MSI2: variants seen among roughly 807,000 people sequenced by gnomAD.
MSI2 encodes the protein musashi RNA binding protein 2, also known as RNA-binding protein Musashi homolog 2.
Under a neutral mutation model 45.6 loss-of-function variants are expected in MSI2, and 17 were observed. The observed-to-expected ratio is 0.37, with a 90% CI of 0.26 to 0.56. MSI2 has a LOEUF of 0.56. MSI2 is among the 20% of genes least tolerant of loss of function. MSI2 has a pLI of 0.77. For synonymous variants in MSI2, 156 were observed against 158.2 expected (o/e 0.99, Z 0.11); for missense variants, 293 against 444.2 (o/e 0.66, Z 3.06).
intron 6 of MSI2, among the ~76,000 whole-genome samples, chr17:57,467,712 T>TCTAGGTCC (rs2085353725): frequency 6.6e-6 from 1 of 152,078 alleles, no homozygotes; most frequent in Admixed American, 6.5e-5. Flanking sequence ...ATCCAGGACC[T>TCTAGGTCC]CTAGGACACT....
intron 5 of MSI2, among the ~76,000 whole-genome samples, chr17:57,397,671 G>C (rs2083915243): frequency 6.6e-6 from 1 of 152,166 alleles, no homozygotes; most frequent in African/African-American, 2.4e-5. Context: ...AGTCCATTTG[G>C]CAGTCATGCT....
intron 7 of MSI2, among the ~76,000 whole-genome samples, chr17:57,559,580 C>T (rs1257334944): frequency 1.3e-5 from 2 of 152,234 alleles, no homozygotes; most frequent in Admixed American, 1.3e-4. Flanking sequence ...GAACATGCAA[C>T]ACCCCTGAGA....
chr17:57,558,810 C>T (rs113380242), intron 7 of MSI2, among the ~76,000 whole-genome samples: 16,636 of 152,202 alleles, frequency 0.11, 1,025 homozygotes, highest in Middle Eastern at 0.17. Flanking sequence ...CCTGTAATTC[C>T]AGCACTTTGG....
chr17:57,435,107 T>A (rs2084667984), intron 6 of MSI2, among the ~76,000 whole-genome samples: 1 of 152,106 alleles, frequency 6.6e-6, no homozygotes. Flanking sequence ...ATTATTTTAT[T>A]ATTTTTGTTT....
rs1266747357 is a variant in MSI2, at chr17:57,613,620, C to T, written c.538-2350C>T. Among the ~76,000 whole-genome samples the T allele has an allele frequency of 3.9e-5, 6 of 152,184 alleles. No individual in the cohort carries two copies. The East Asian group carries it at 1.2e-3, about 29-fold the overall frequency. On this transcript the variant is annotated intron_variant, in intron 8 of 13. Transcript: ENST00000284073. ...GAAAAATACGTGCCAATTTCCACCC[C>T]TCCACACTATACCGTCAGAAACCCT...
intron 5 of MSI2, among the ~76,000 whole-genome samples, chr17:57,282,418 G>A (rs1909502762): frequency 6.6e-6 from 1 of 152,162 alleles, no homozygotes; most frequent in Non-Finnish European, 1.5e-5. Flanking sequence ...GCCCCCTGCT[G>A]TATAATAAAT....
intron 5 of MSI2, among the ~76,000 whole-genome samples, chr17:57,272,301 G>T (rs747313143): frequency 6.6e-6 from 1 of 152,192 alleles, no homozygotes; most frequent in Admixed American, 6.5e-5. Flanking sequence ...TCAACTTAGC[G>T]GCATTTTGTT....
the MSI2 span, among the ~76,000 whole-genome samples, chr17:57,698,393 C>T: frequency 6.6e-6 from 1 of 152,224 alleles, no homozygotes; most frequent in African/African-American, 2.4e-5. Context: ...CACCTTTCCT[C>T]GGTGGCTCCC....
At chr17:57,654,899 T>C (rs1228833095) in intron 11 of MSI2, among the ~76,000 whole-genome samples, 1 of 148,492 alleles carries the variant, frequency 6.7e-6, no homozygotes, top group East Asian at 2.0e-4. Flanking sequence ...GATTTTTGTC[T>C]AGCTCCAACG....
chr17:57,461,794 A>G (rs1395779870), intron 6 of MSI2, among the ~76,000 whole-genome samples: 5 of 152,110 alleles, frequency 3.3e-5, no homozygotes, highest in Admixed American at 6.5e-5. Flanking sequence ...CGGCCTCCCA[A>G]AGTACTGGGA....
intron 11 of MSI2, among the ~76,000 whole-genome samples, chr17:57,666,748 G>C (rs1304355754): frequency 6.6e-6 from 1 of 152,226 alleles, no homozygotes; most frequent in African/African-American, 2.4e-5. Context: ...TAGCAGGCAG[G>C]GAGGTAGCTT....
chr17:57,344,479 T>C (rs1598149001), intron 5 of MSI2, among the ~76,000 whole-genome samples: 1 of 152,360 alleles, frequency 6.6e-6, no homozygotes, highest in East Asian at 1.9e-4. Flanking sequence ...GTGTCTCCCC[T>C]GCTCCAGACC....
chr17:57,383,102 C>T (rs941690575), intron 5 of MSI2, among the ~76,000 whole-genome samples: 4 of 152,302 alleles, frequency 2.6e-5, no homozygotes, highest in Admixed American at 6.5e-5. Flanking sequence ...CTTCATTTCC[C>T]AGCAAGGACA....
At chr17:57,622,773 C>T (rs954198689) in intron 9 of MSI2, among the ~76,000 whole-genome samples, 2 of 152,162 alleles carry the variant, frequency 1.3e-5, no homozygotes, top group African/African-American at 4.8e-5. Context: ...CACTCAATTT[C>T]GACGGGGATC....
intron 10 of MSI2, among the ~76,000 whole-genome samples, chr17:57,651,223 T>A (rs1911121340): frequency 6.6e-6 from 1 of 152,138 alleles, no homozygotes; most frequent in Non-Finnish European, 1.5e-5. Flanking sequence ...ATTATTCCCG[T>A]TGCTGGGACA....
chr17:57,627,116 T>C lies in MSI2; in HGVS notation c.653-113T>C. On this transcript the variant is annotated intron_variant, in intron 9 of 13. Transcript: ENST00000284073. The surrounding 1 kb of genome is among the most constrained non-coding windows in gnomAD (Gnocchi z 4.6). ...AAAAACCCTCATGAGAGACAAATTATTCTGTGAAGGAAAATAACTCAGGCT... is the reference window on the plus strand; with the variant it reads ...AAAAACCCTCATGAGAGACAAATTACTCTGTGAAGGAAAATAACTCAGGCT... The C allele has an allele frequency of 2.0e-6, 2 of 990,278 alleles. No homozygotes were observed. Among genetic ancestry groups the C allele is most frequent in the South Asian group, 2.7e-5 (2 of 73,386 alleles). The allele number at this position is 990,278 out of a possible 1,614,324, so 61.3% of individuals were successfully genotyped here. A position where few individuals can be genotyped will look rare whatever the true frequency, so the allele number is the denominator to read the frequency against.
chr17:57,296,633 A>T (rs1910983409), intron 5 of MSI2, among the ~76,000 whole-genome samples: 1 of 152,240 alleles, frequency 6.6e-6, no homozygotes. Flanking sequence ...AAAATGCAAC[A>T]TGTATCCTGG....
chr17:57,300,216 T>C (rs192474686), intron 5 of MSI2, among the ~76,000 whole-genome samples: 164 of 152,330 alleles, frequency 1.1e-3, no homozygotes, highest in African/African-American at 3.7e-3. Flanking sequence ...TTTTTTTTAA[T>C]GCTGTCTTGT....
chr17:57,340,606 C>T (rs1915055407), intron 5 of MSI2, among the ~76,000 whole-genome samples: 1 of 152,140 alleles, frequency 6.6e-6, no homozygotes, highest in African/African-American at 2.4e-5. Context: ...ATCATTGTGG[C>T]TGAGTCATTT....
Sources: gnomAD v4.1 joint callset for allele counts (sites outside exome capture counted in the v4.1 genomes callset) on GRCh38, gnomAD v4.1.1 for gene constraint, Gnocchi (gnomAD v3.1) non-coding constraint, MANE v1.5 for transcripts, NCBI Gene and HGNC (gene_info 2026-07-23, HGNC 2026-07-21) for gene names.